PALLD: variants seen among roughly 807,000 people sequenced by gnomAD.
The protein encoded by PALLD is palladin.
In PALLD, 61 loss-of-function variants were observed where a neutral mutation model predicts 123.5. That is an observed-to-expected ratio of 0.49 (90% CI 0.40 to 0.61). PALLD has a LOEUF of 0.61. Ranked by LOEUF, PALLD falls within the 20% of genes least tolerant of loss-of-function variation. The pLI is 0.00. For missense variants in PALLD, 1,273 were observed against 1,377.0 expected (o/e 0.92, Z 1.20); for synonymous variants, 465 against 496.4 (o/e 0.94, Z 0.84).
intron 2 of PALLD, among the ~76,000 whole-genome samples, chr4:168,607,110 A>C (rs1773258562): frequency 6.6e-6 from 1 of 152,158 alleles, no homozygotes; most frequent in Admixed American, 6.5e-5. Flanking sequence ...ACAGGGGAAC[A>C]TTATATATAG....
At chr4:168,504,713 G>A (rs1450923720) in intron 1 of PALLD, 1 of 152,210 alleles carries the variant, frequency 6.6e-6, no homozygotes, top group Non-Finnish European at 1.5e-5. Context: ...GAAGACAGAA[G>A]AATTTCTAGG....
At chr4:168,704,053 G>C (rs1413292353) in intron 8 of PALLD, among the ~76,000 whole-genome samples, 1 of 152,040 alleles carries the variant, frequency 6.6e-6, no homozygotes, top group African/African-American at 2.4e-5. Flanking sequence ...CAATGGAACA[G>C]AACAGAGCCC....
At chr4:168,680,021 G>A (rs1291393745) in intron 3 of PALLD, among the ~76,000 whole-genome samples, 1 of 152,118 alleles carries the variant, frequency 6.6e-6, no homozygotes, top group Non-Finnish European at 1.5e-5. Flanking sequence ...TATCACAGTA[G>A]AGTCACTGGA....
At chr4:168,812,459 A>G (rs1741302731) in intron 10 of PALLD, among the ~76,000 whole-genome samples, 1 of 152,308 alleles carries the variant, frequency 6.6e-6, no homozygotes, top group South Asian at 2.1e-4. Flanking sequence ...GCCTGGAGAG[A>G]CAAGGAGCAC....
rs187394659 is a variant in PALLD at position 168,905,236 on chromosome 4, C to T, written c.2622+1330C>T. Among the ~76,000 whole-genome samples, 764 of 145,356 alleles carry T rather than the reference C, an allele frequency of 5.3e-3. 2 individuals are homozygous for T. Among genetic ancestry groups the T allele is most frequent in the African/African-American group, 0.016 (636 of 39,576 alleles). On this transcript the variant is annotated intron_variant, in intron 15 of 21. Coordinates refer to ENST00000505667, the MANE Select transcript of PALLD (RefSeq NM_001166108.2). The stretch of plus-strand genomic sequence containing the variant: ...CGCGATCTCGGCTCACTGCAAGCTC[C>T]GCCTCCTGCGTTCACACCATTCTCC...
intron 9 of PALLD, among the ~76,000 whole-genome samples, chr4:168,710,586 C>T (rs1025582779): frequency 6.6e-6 from 1 of 152,218 alleles, no homozygotes; most frequent in South Asian, 2.1e-4. Flanking sequence ...ACTGTAAATG[C>T]TTTTTCATCT....
intron 2 of PALLD, among the ~76,000 whole-genome samples, chr4:168,581,264 A>G (rs1461702766): frequency 6.6e-6 from 1 of 151,796 alleles, no homozygotes; most frequent in East Asian, 1.9e-4. Context: ...TTGTGTATAT[A>G]CCTGGAAGCA....
intron 8 of PALLD, among the ~76,000 whole-genome samples, chr4:168,696,312 A>C (rs1011305938): frequency 1.3e-5 from 2 of 152,154 alleles, no homozygotes; most frequent in Non-Finnish European, 2.9e-5. Context: ...CTCTCAGCAG[A>C]GACTGAAGGA....
intron 17 of PALLD, among the ~76,000 whole-genome samples, chr4:168,919,125 A>T (rs1270726056): frequency 2.6e-5 from 4 of 152,212 alleles, no homozygotes; most frequent in Non-Finnish European, 5.9e-5. Context: ...CTTTCACTGG[A>T]CTGGCACATA....
At chr4:168,801,176 G>C (rs890054736) in intron 10 of PALLD, among the ~76,000 whole-genome samples, 2 of 152,180 alleles carry the variant, frequency 1.3e-5, no homozygotes, top group Admixed American at 1.3e-4. Flanking sequence ...AGGGGTATGA[G>C]GGGGAGGCAC....
At chr4:168,553,753 T>G (rs1766986600) in intron 2 of PALLD, among the ~76,000 whole-genome samples, 1 of 152,170 alleles carries the variant, frequency 6.6e-6, no homozygotes, top group Admixed American at 6.5e-5. Context: ...TATGTCTAAC[T>G]TAGATTCTGA....
intron 8 of PALLD, among the ~76,000 whole-genome samples, chr4:168,697,617 T>A (rs549342351): frequency 1.1e-3 from 161 of 152,324 alleles, no homozygotes; most frequent in African/African-American, 3.8e-3. Context: ...CTGGATCAGC[T>A]GGGAACACTC....
At chr4:168,535,540 G>A (rs1350015784) in intron 2 of PALLD, among the ~76,000 whole-genome samples, 2 of 152,176 alleles carry the variant, frequency 1.3e-5, no homozygotes, top group Admixed American at 6.5e-5. Flanking sequence ...GGTGGCTGGG[G>A]CTAGGGGAAG....
rs1052945351 is a variant in PALLD at position 168,581,595 on chromosome 4, G to A, written c.908+69183G>A. 4.0e-5 allele frequency among the ~76,000 whole-genome samples: 6 copies of A among 151,828 alleles called. No individual in the cohort carries two copies. In the South Asian group the frequency reaches 1.2e-3, roughly 31 times the overall value. On this transcript the variant is annotated intron_variant, in intron 2 of 21. Coordinates refer to ENST00000505667, the MANE Select transcript of PALLD (RefSeq NM_001166108.2). The stretch of plus-strand genomic sequence containing the variant: ...TGCCCATTTCTAAGTAGGGTTATTT[G>A]GGGATATTGTTACTGAGTTACTCAG...
intron 10 of PALLD, among the ~76,000 whole-genome samples, chr4:168,755,195 T>C (rs567062529): frequency 2.8e-5 from 4 of 140,878 alleles, no homozygotes; most frequent in Admixed American, 7.6e-5. Flanking sequence ...ATTGCACCAC[T>C]GCACTCCAGC....
chr4:168,663,651 A>G (rs1374021269), intron 2 of PALLD, among the ~76,000 whole-genome samples: 1 of 152,208 alleles, frequency 6.6e-6, no homozygotes, highest in African/African-American at 2.4e-5. Context: ...GCAATGTCCT[A>G]GATGCAAAAT....
chr4:168,817,769 T>C lies in PALLD; in HGVS notation c.1965-73153T>C, dbSNP rs559695763. On this transcript the variant is annotated intron_variant, in intron 10 of 21. Transcript: ENST00000505667. ...GAAATTATTTCTATTAACCAAGAAA[T>C]CAATTTACTTATGTCTGCAACTAGG... Among the ~76,000 whole-genome samples the C allele has an allele frequency of 3.9e-5, 6 of 152,344 alleles. No individual in the cohort carries two copies. In the East Asian group the frequency reaches 7.7e-4, roughly 20 times the overall value.
intron 10 of PALLD, among the ~76,000 whole-genome samples, chr4:168,838,167 G>A (rs115690315): frequency 0.012 from 1,763 of 152,282 alleles, 28 homozygotes; most frequent in South Asian, 0.079. Context: ...GACTGGGGAG[G>A]TATCCAAGAA....
intron 2 of PALLD, among the ~76,000 whole-genome samples, chr4:168,645,067 C>T (rs1200629840): frequency 6.7e-6 from 1 of 149,202 alleles, no homozygotes; most frequent in African/African-American, 2.5e-5. Flanking sequence ...CAGTGCACTC[C>T]AGCCTGGGTG....
Sources: gnomAD v4.1 joint callset for allele counts (sites outside exome capture counted in the v4.1 genomes callset) on GRCh38, gnomAD v4.1.1 for gene constraint, MANE v1.5 for transcripts, NCBI Gene and HGNC (gene_info 2026-07-23, HGNC 2026-07-21) for gene names.